The following CEP72 variants were observed in gnomAD, a reference collection of about 807,000 sequenced individuals.
CEP72 encodes centrosomal protein of 72 kDa.
In CEP72, 78 loss-of-function variants were observed where a neutral mutation model predicts 65.7. That is an observed-to-expected ratio of 1.19 (90% confidence interval 0.99 to 1.43). The LOEUF is 1.43. Among genes scored for constraint, CEP72 ranks in the 40% most tolerant of loss-of-function variants. CEP72 has a pLI of 0.00. For missense variants in CEP72, 914 were observed against 832.9 expected (o/e 1.10, Z -1.20); for synonymous variants, 358 against 351.7 (o/e 1.02, Z -0.20).
intron 1 of CEP72, among the ~76,000 whole-genome samples, chr5:615,734 T>C (rs1709538): frequency 0.63 from 95,917 of 152,086 alleles, 30,436 homozygotes; most frequent in Non-Finnish European, 0.66. Flanking sequence ...TTCCTGTGTT[T>C]TTTCTTCTGT....
At chr5:639,333 T>TC in intron 8 of CEP72, 109 bp downstream of exon 8, 1 of 1,305,914 alleles carries the variant, frequency 7.7e-7, no homozygotes, top group Non-Finnish European at 1.0e-6. Flanking sequence ...GTCTCCTATG[T>TC]CCCCTCCCAC....
At chr5:634,430 C>T (rs1360256474) in intron 5 of CEP72, among the ~76,000 whole-genome samples, 4 of 152,354 alleles carry the variant, frequency 2.6e-5, no homozygotes, top group Middle Eastern at 3.4e-3. Context: ...TTTATTCCAC[C>T]TCCGCTGTGA....
rs143873236 is a variant in CEP72, at chr5:644,359, T to C, written c.1600T>C (p.Leu534=). Residue 534 remains leucine (L), a synonymous_variant, in exon 10 of 12, where the codon TTG becomes CTG. Coordinates refer to ENST00000264935, the MANE Select transcript of CEP72 (RefSeq NM_018140.4). The part of the protein sequence containing the change: ...LEENSRLKSL[L]LSMKKEVKSA... ...AGAGAACAGTAGGTTAAAATCGCTT[T>C]TGTTGAGTATGAAAAAGGAAGTGAA... 21 of 1,613,798 alleles carry C rather than the reference T, an allele frequency of 1.3e-5. No homozygotes were observed. The highest frequency in any genetic ancestry group is 1.7e-5 in the Non-Finnish European group (20 of 1,179,964).
chr5:668,232 TGTGGGCGCCGTCAGGGAAGTGCG>T (rs1740021347), downstream of CEP72, among the ~76,000 whole-genome samples: 1 of 32,740 alleles, frequency 3.1e-5, no homozygotes, highest in African/African-American at 1.2e-4. Flanking sequence ...GAGGGGGCCG[TGTGGGCGCCGTCAGGGAAGTGCG>T]GACAAGCACA....
intron 3 of CEP72, chr5:665,863 C>T: frequency 1.6e-6 from 1 of 629,228 alleles, no homozygotes; most frequent in Non-Finnish European, 2.2e-6. Context: ...CCAGGTCACG[C>T]CCCCAATCCA....
intron 11 of CEP72, among the ~76,000 whole-genome samples, chr5:651,961 G>A (rs369876861): frequency 6.6e-6 from 1 of 152,172 alleles, no homozygotes; most frequent in Admixed American, 6.5e-5. Context: ...CCCCTTACAG[G>A]ATAAAGGCCA....
chr5:622,884 A>G (rs1184412876), intron 3 of CEP72, among the ~76,000 whole-genome samples: 3 of 152,264 alleles, frequency 2.0e-5, no homozygotes, highest in Admixed American at 6.5e-5. Flanking sequence ...ACTCATAAAC[A>G]GTTGAGTTTG....
chr5:650,744 G>T, intron 11 of CEP72, among the ~76,000 whole-genome samples: 1 of 58,594 alleles, frequency 1.7e-5, no homozygotes, highest in Admixed American at 1.6e-4. Context: ...GGACTGTGAG[G>T]GGTGACTGTG....
chr5:632,772 T>TA (rs1161875404), intron 4 of CEP72, among the ~76,000 whole-genome samples: 2 of 36,956 alleles, frequency 5.4e-5, no homozygotes, highest in Admixed American at 2.5e-4. Context: ...TGCCGGGATT[T>TA]GACCCAGTCC....
chr5:643,688 G>A, intron 9 of CEP72: 1 of 984,644 alleles, frequency 1.0e-6, no homozygotes, highest in Non-Finnish European at 1.2e-6. Flanking sequence ...GGATCCCTGG[G>A]GACCCTGGCC....
chr5:628,835 G>T lies in CEP72; in HGVS notation c.512+4256G>T, dbSNP rs75433212. ...CTCAGGTTGCCGTCCCCAGGGAGTG[G>T]CCCCAGGACCCAGCGCCCTTCTTTG... On this transcript the variant is annotated intron_variant, in intron 4 of 11. Coordinates refer to ENST00000264935, the MANE Select transcript of CEP72 (RefSeq NM_018140.4). 1.3e-3 allele frequency among the ~76,000 whole-genome samples: 154 copies of T among 114,810 alleles called. 4 individuals are homozygous for T. The highest frequency in any genetic ancestry group is 6.3e-3 in the African/African-American group (132 of 21,110). The allele number at this position is 114,810 out of a possible 152,430, so 75.3% of individuals were successfully genotyped here. A position where few individuals can be genotyped will look rare whatever the true frequency, so the allele number is the denominator to read the frequency against.
chr5:638,382 C>T (rs1231131262), intron 7 of CEP72, among the ~76,000 whole-genome samples: 2 of 152,128 alleles, frequency 1.3e-5, no homozygotes, highest in African/African-American at 2.4e-5. Flanking sequence ...CGTTGAGACA[C>T]ACCTGCTGTA....
intron 3 of CEP72, among the ~76,000 whole-genome samples, chr5:620,701 C>T (rs917249770): frequency 2.0e-5 from 3 of 152,366 alleles, no homozygotes; most frequent in Admixed American, 1.3e-4. Context: ...CATTGTCCCC[C>T]ACACCCCACC....
chr5:636,880 C>T (rs1419669214), intron 6 of CEP72, among the ~76,000 whole-genome samples: 1 of 151,886 alleles, frequency 6.6e-6, no homozygotes, highest in Non-Finnish European at 1.5e-5. Context: ...GAAGCTTGCT[C>T]ATGCCCAACT....
chr5:672,392 G>C, the CEP72 span, among the ~76,000 whole-genome samples: 1 of 152,236 alleles, frequency 6.6e-6, no homozygotes, highest in Non-Finnish European at 1.5e-5. Flanking sequence ...TATAGGAAAC[G>C]TCAGTGCATT....
At chr5:634,842 A>G (rs1454087924) in intron 5 of CEP72, among the ~76,000 whole-genome samples, 1 of 152,214 alleles carries the variant, frequency 6.6e-6, no homozygotes, top group Non-Finnish European at 1.5e-5. Flanking sequence ...TTTGAAGAGC[A>G]CAAGTTTTAA....
chr5:668,423 CGCGTGGGCGCCGTCAGGGAAGTGCG>C (rs772350516), downstream of CEP72, among the ~76,000 whole-genome samples: 507 of 125,810 alleles, frequency 4.0e-3, 17 homozygotes, highest in African/African-American at 0.014. Flanking sequence ...GAGAGGGGGC[CGCGTGGGCGCCGTCAGGGAAGTGCG>C]GACAAGCACA....
intron 1 of CEP72, among the ~76,000 whole-genome samples, chr5:618,384 G>A (rs1579925298): frequency 6.6e-6 from 1 of 151,040 alleles, no homozygotes; most frequent in East Asian, 1.9e-4. Context: ...ATGTGTAAGA[G>A]GGAAAATAAA....
chr5:659,226 G>A (rs1034798786), downstream of CEP72, among the ~76,000 whole-genome samples: 1 of 152,236 alleles, frequency 6.6e-6, no homozygotes, highest in African/African-American at 2.4e-5. Flanking sequence ...CCCTCTCCAT[G>A]CTCCTGTTCT....
Sources: gnomAD v4.1 joint callset for allele counts (sites outside exome capture counted in the v4.1 genomes callset) on GRCh38, gnomAD v4.1.1 for gene constraint, MANE v1.5 for transcripts, NCBI Gene and HGNC (gene_info 2026-07-23, HGNC 2026-07-21) for gene names.